NPAS2: variants seen among roughly 807,000 people sequenced by gnomAD.
NPAS2 encodes the protein neuronal PAS domain protein 2.
Under a neutral mutation model 107.5 loss-of-function variants are expected in NPAS2, and 23 were observed. The observed-to-expected ratio is 0.21, with a 90% CI of 0.15 to 0.30. The LOEUF (loss-of-function observed/expected upper bound fraction) is 0.30. Ranked by LOEUF, NPAS2 falls within the 10% of genes least tolerant of loss-of-function variation. The pLI is 1.00. For synonymous variants in NPAS2, 403 were observed against 417.5 expected (o/e 0.97, Z 0.42); for missense variants, 756 against 1,043.3 (o/e 0.72, Z 3.79).
intron 2 of NPAS2, among the ~76,000 whole-genome samples, chr2:100,919,757 G>A (rs1343778190): frequency 2.0e-5 from 3 of 152,024 alleles, no homozygotes; most frequent in Admixed American, 6.5e-5. Flanking sequence ...TGCCAAACTT[G>A]ACCACCCAGC....
At chr2:100,967,416 T>A (rs185047996) in intron 10 of NPAS2, among the ~76,000 whole-genome samples, 192 of 151,856 alleles carry the variant, frequency 1.3e-3, no homozygotes, top group African/African-American at 4.5e-3. Flanking sequence ...TTAGTAGAGA[T>A]GGGGTCTCAC....
At chr2:100,907,465 G>T in intron 2 of NPAS2, among the ~76,000 whole-genome samples, 1 of 145,972 alleles carries the variant, frequency 6.9e-6, no homozygotes, top group East Asian at 2.0e-4. Flanking sequence ...TAGCAAGGAC[G>T]CAGTACCCCT....
At chr2:100,842,943 A>G (rs1171882721) in intron 1 of NPAS2, among the ~76,000 whole-genome samples, 1 of 152,136 alleles carries the variant, frequency 6.6e-6, no homozygotes, top group Non-Finnish European at 1.5e-5. Flanking sequence ...GGGATCGGCC[A>G]GGTGTGGTGG....
chr2:100,858,700 G>A (rs953668723), intron 1 of NPAS2, among the ~76,000 whole-genome samples: 1 of 152,150 alleles, frequency 6.6e-6, no homozygotes, highest in Non-Finnish European at 1.5e-5. Flanking sequence ...TGACTATTAT[G>A]TGAAATTAAT....
chr2:100,841,051 T>C (rs1350952523), intron 1 of NPAS2, among the ~76,000 whole-genome samples: 1 of 152,124 alleles, frequency 6.6e-6, no homozygotes, highest in Non-Finnish European at 1.5e-5. Context: ...TTCAGGATGT[T>C]GTTCTGAGGA....
At position 100,974,891 on chromosome 2, in the gene NPAS2, C is replaced by A; in HGVS notation, c.1229C>A (p.Ala410Glu). Residue 410 changes from alanine to glutamate, a missense_variant, in exon 13 of 21, where the codon GCG becomes GAG. This residue lies in a region of NPAS2 where 496 missense variants were observed against 594.4 expected (regional missense o/e 0.83). Coordinates refer to ENST00000335681, the MANE Select transcript of NPAS2 (RefSeq NM_002518.4). ...SGLNTSHSPS[A>E]SSRSSHKSSH... ...CTTAATACCAGTCATTCGCCATCGG[C>A]GTCCTCAAGAAGTTCCCACAAATCC... 6.2e-7 allele frequency: 1 copy of A among 1,614,040 alleles called. No individual in the cohort carries two copies. The highest frequency in any genetic ancestry group is 8.5e-7 in the Non-Finnish European group (1 of 1,179,960).
chr2:100,895,959 G>A (rs562405776), intron 1 of NPAS2, among the ~76,000 whole-genome samples: 77 of 152,148 alleles, frequency 5.1e-4, no homozygotes, highest in Non-Finnish European at 1.0e-3. Flanking sequence ...GAATGTGTTC[G>A]TTGAAATTCA....
chr2:100,881,765 A>G (rs566950554), intron 1 of NPAS2, among the ~76,000 whole-genome samples: 5 of 152,236 alleles, frequency 3.3e-5, no homozygotes, highest in Admixed American at 6.5e-5. Flanking sequence ...CTTCTGAACA[A>G]TCGCTGGTTT....
chr2:100,966,476 G>A (rs1200984072), intron 10 of NPAS2, among the ~76,000 whole-genome samples: 1 of 151,960 alleles, frequency 6.6e-6, no homozygotes, highest in East Asian at 1.9e-4. Context: ...TGTATTTTCA[G>A]TGCCAACTCT....
chr2:100,933,755 T>C (rs1158224901), intron 4 of NPAS2, among the ~76,000 whole-genome samples: 17 of 152,122 alleles, frequency 1.1e-4, no homozygotes. Context: ...AGTTTTGGAG[T>C]ATATGGATAT....
chr2:100,910,439 TCC>T lies in NPAS2; in HGVS notation c.32+5655_32+5656del, dbSNP rs1682468483. Among the ~76,000 whole-genome samples the T allele has an allele frequency of 7.2e-5, 11 of 152,012 alleles. 2 individuals are homozygous for T. The highest frequency in any genetic ancestry group is 2.4e-4 in the African/African-American group (10 of 41,470). On this transcript the variant is annotated intron_variant, in intron 2 of 20. Coordinates refer to ENST00000335681, the MANE Select transcript of NPAS2 (RefSeq NM_002518.4). ...CGCTTTGCTAAGTCTCTGCAATAGT[TCC>T]CTAAGTTCTCCATGAGGTGAGGATG...
chr2:100,954,692 A>T (rs1440376341), intron 7 of NPAS2, among the ~76,000 whole-genome samples: 1 of 150,870 alleles, frequency 6.6e-6, no homozygotes, highest in Non-Finnish European at 1.5e-5. Context: ...AAAAAAAAGA[A>T]AAGAAAAAAG....
At chr2:100,840,392 C>T (rs139516387) in intron 1 of NPAS2, among the ~76,000 whole-genome samples, 111 of 152,234 alleles carry the variant, frequency 7.3e-4, no homozygotes, top group African/African-American at 2.6e-3. Flanking sequence ...TAGACTTGCT[C>T]TATCCATGTT....
intron 6 of NPAS2, among the ~76,000 whole-genome samples, chr2:100,949,132 A>T (rs961244916): frequency 4.6e-5 from 7 of 152,242 alleles, no homozygotes; most frequent in Non-Finnish European, 1.5e-5. Flanking sequence ...GACATCTGGG[A>T]GCAAATTAAG....
chr2:100,846,734 A>G (rs1050978556), intron 1 of NPAS2: 2 of 152,214 alleles, frequency 1.3e-5, no homozygotes, highest in South Asian at 2.1e-4. Context: ...TGGCCTTTCA[A>G]TAATACTAAG....
intron 4 of NPAS2, among the ~76,000 whole-genome samples, chr2:100,933,835 C>T (rs1291324441): frequency 1.3e-5 from 2 of 152,188 alleles, no homozygotes; most frequent in African/African-American, 2.4e-5. Flanking sequence ...CAAACTGGGA[C>T]AGATGAGCTC....
chr2:100,846,309 A>C (rs1266911401), intron 1 of NPAS2, among the ~76,000 whole-genome samples: 1 of 152,256 alleles, frequency 6.6e-6, no homozygotes, highest in East Asian at 1.9e-4. Flanking sequence ...ATTAAGTTTT[A>C]CATAAAATGC....
chr2:100,842,625 C>G (rs1314144467), intron 1 of NPAS2, among the ~76,000 whole-genome samples: 1 of 152,158 alleles, frequency 6.6e-6, no homozygotes, highest in Non-Finnish European at 1.5e-5. Context: ...ATCTCAGACC[C>G]TACACAGTTT....
chr2:100,982,198 C>G (rs766493825), intron 15 of NPAS2, 33 bp from the exon 16 acceptor site: 5 of 1,613,244 alleles, frequency 3.1e-6, no homozygotes, highest in Non-Finnish European at 4.2e-6. Flanking sequence ...ATAACTCTTT[C>G]ATCTGATTAT....
Sources: allele counts gnomAD v4.1 joint callset (sites outside exome capture counted in the v4.1 genomes callset), GRCh38; gene constraint gnomAD v4.1.1; regional missense constraint gnomAD v4.1.1; transcripts MANE v1.5; gene names NCBI Gene and HGNC (gene_info 2026-07-23, HGNC 2026-07-21).